The following CDH12 variants were observed in gnomAD, a reference collection of about 807,000 sequenced individuals.
CDH12 encodes the protein cadherin-12.
In CDH12, 41 loss-of-function variants were observed where a neutral mutation model predicts 74.1. The ratio of observed to expected loss-of-function variants is 0.55; its 90% CI spans 0.43 to 0.72. The LOEUF (loss-of-function observed/expected upper bound fraction) is 0.72, where lower values mean the gene tolerates loss of function less well. CDH12 is among the 30% of genes least tolerant of loss of function. CDH12 has a pLI of 0.00. For synonymous variants in CDH12, 399 were observed against 355.0 expected, an observed-to-expected ratio of 1.12 and a Z score of -1.39; for missense variants, 945 against 977.2, an observed-to-expected ratio of 0.97 and a Z score of 0.44.
chr5:22,634,982 T>A (rs552042591), intron 1 of CDH12, among the ~76,000 whole-genome samples: 1 of 152,120 alleles, frequency 6.6e-6, no homozygotes, highest in East Asian at 1.9e-4. Context: ...TTGGATTTTT[T>A]TTTTTTTGGC....
intron 5 of CDH12, among the ~76,000 whole-genome samples, chr5:22,036,550 G>A (rs1467613634): frequency 6.6e-6 from 1 of 152,128 alleles, no homozygotes; most frequent in Non-Finnish European, 1.5e-5. Context: ...GTGCGTGTGT[G>A]TGTGAGTGTG....
intron 8 of CDH12, among the ~76,000 whole-genome samples, chr5:21,818,680 A>G (rs1748200227): frequency 6.6e-6 from 1 of 152,028 alleles, no homozygotes; most frequent in Non-Finnish European, 1.5e-5. Context: ...TACATATAAG[A>G]CAAAATGATA....
chr5:22,109,205 A>G (rs6452051), intron 4 of CDH12, among the ~76,000 whole-genome samples: 73,738 of 151,922 alleles, frequency 0.49, 18,164 homozygotes, highest in African/African-American at 0.53. Flanking sequence ...ACTGGCCTTT[A>G]GTTCTGAACC....
At chr5:22,510,251 T>C (rs971307032) in intron 1 of CDH12, among the ~76,000 whole-genome samples, 1 of 152,064 alleles carries the variant, frequency 6.6e-6, no homozygotes, top group African/African-American at 2.4e-5. Context: ...ACTCTAGAGG[T>C]GGTCCTATGG....
At chr5:22,434,003 A>G (rs1744274333) in intron 2 of CDH12, among the ~76,000 whole-genome samples, 1 of 152,164 alleles carries the variant, frequency 6.6e-6, no homozygotes, top group Admixed American at 6.6e-5. Flanking sequence ...CGTTCTGATC[A>G]CAGCTCATTT....
chr5:22,389,860 G>A (rs1037209191), intron 3 of CDH12, among the ~76,000 whole-genome samples: 5 of 152,100 alleles, frequency 3.3e-5, no homozygotes, highest in Admixed American at 2.6e-4. Context: ...GTGTTAGCCA[G>A]GATGGTCTCG....
At chr5:22,184,502 G>T (rs1040927919) in intron 4 of CDH12, among the ~76,000 whole-genome samples, 1 of 152,128 alleles carries the variant, frequency 6.6e-6, no homozygotes, top group Non-Finnish European at 1.5e-5. Context: ...TGTCCTCTGT[G>T]TCTAAAATGT....
intron 6 of CDH12, among the ~76,000 whole-genome samples, chr5:21,910,027 G>C (rs1326451284): frequency 6.6e-6 from 1 of 152,108 alleles, no homozygotes; most frequent in Non-Finnish European, 1.5e-5. Flanking sequence ...CAGAACTAGA[G>C]GGTTCCAGTT....
chr5:22,330,751 A>C (rs1739317813), intron 3 of CDH12, among the ~76,000 whole-genome samples: 1 of 151,286 alleles, frequency 6.6e-6, no homozygotes, highest in Non-Finnish European at 1.5e-5. Context: ...CTCCAAAAAA[A>C]AAAAAAAAAA....
chr5:22,418,048 G>T (rs1743475093), intron 2 of CDH12, among the ~76,000 whole-genome samples: 1 of 152,084 alleles, frequency 6.6e-6, no homozygotes, highest in South Asian at 2.1e-4. Context: ...GGGCAGTATG[G>T]CCATTTTCAC....
chr5:22,722,534 T>C (rs2126991599), intron 1 of CDH12, among the ~76,000 whole-genome samples: 1 of 152,338 alleles, frequency 6.6e-6, no homozygotes, highest in Middle Eastern at 3.4e-3. Flanking sequence ...CATAATGATA[T>C]AAATCTCATG....
intron 1 of CDH12, among the ~76,000 whole-genome samples, chr5:22,562,776 A>G (rs1262875174): frequency 6.6e-6 from 1 of 151,384 alleles, no homozygotes; most frequent in African/African-American, 2.4e-5. Context: ...AAAGAGAGAC[A>G]AAACAGAACA....
chr5:21,871,767 C>T (rs1291544275), intron 6 of CDH12, among the ~76,000 whole-genome samples: 1 of 152,008 alleles, frequency 6.6e-6, no homozygotes, highest in African/African-American at 2.4e-5. Context: ...TACCTACATA[C>T]TCAATCTCTG....
intron 10 of CDH12, among the ~76,000 whole-genome samples, chr5:21,799,036 G>A (rs987672279): frequency 6.6e-6 from 1 of 152,144 alleles, no homozygotes; most frequent in Non-Finnish European, 1.5e-5. Flanking sequence ...GAGAACTGTA[G>A]AGAAAGATTC....
chr5:22,801,091 T>A (rs574652306), intron 1 of CDH12, among the ~76,000 whole-genome samples: 39 of 152,104 alleles, frequency 2.6e-4, no homozygotes, highest in Admixed American at 2.0e-3. Context: ...ATGGTAAGAG[T>A]AAGTTTAGTT....
intron 11 of CDH12, among the ~76,000 whole-genome samples, chr5:21,773,411 C>A (rs554057327): frequency 6.6e-6 from 1 of 152,134 alleles, no homozygotes. Context: ...CAGAAGAACG[C>A]GGAAGGACTG....
intron 11 of CDH12, among the ~76,000 whole-genome samples, chr5:21,776,907 A>T (rs1277518939): frequency 1.3e-5 from 2 of 152,174 alleles, no homozygotes; most frequent in African/African-American, 4.8e-5. Context: ...GTTTTTGTTC[A>T]TCAGTTCCCA....
intron 3 of CDH12, among the ~76,000 whole-genome samples, chr5:22,280,375 A>G (rs1420689168): frequency 6.6e-6 from 1 of 152,198 alleles, no homozygotes; most frequent in Non-Finnish European, 1.5e-5. Flanking sequence ...CTAAGATCAG[A>G]GCAGAACTGA....
chr5:22,755,103 G>T (rs1745822637), intron 1 of CDH12, among the ~76,000 whole-genome samples: 1 of 152,068 alleles, frequency 6.6e-6, no homozygotes, highest in African/African-American at 2.4e-5. Flanking sequence ...CCTATCATTT[G>T]CTGATATTGT....
Sources: gnomAD v4.1 joint callset for allele counts (sites outside exome capture counted in the v4.1 genomes callset) on GRCh38, gnomAD v4.1.1 for gene constraint, MANE v1.5 for transcripts, NCBI Gene and HGNC (gene_info 2026-07-23, HGNC 2026-07-21) for gene names.